PPP2R5A: variants seen among roughly 807,000 people sequenced by gnomAD.
PPP2R5A encodes the protein serine/threonine-protein phosphatase 2A 56 kDa regulatory subunit alpha isoform.
PPP2R5A carries 25 observed loss-of-function variants against 64.2 expected under a neutral mutation model. The ratio of observed to expected loss-of-function variants is 0.39; its 90% confidence interval spans 0.28 to 0.54. The LOEUF is 0.54. Among genes scored for constraint, PPP2R5A ranks in the 20% least tolerant of loss-of-function variants. The pLI is 0.67. For synonymous variants in PPP2R5A, 198 were observed against 201.2 expected (o/e 0.98, Z 0.13); for missense variants, 425 against 576.3 (o/e 0.74, Z 2.69).
At chr1:212,329,393 G>T in intron 2 of PPP2R5A, 62 bp downstream of exon 2, 1 of 1,277,994 alleles carries the variant, frequency 7.8e-7, no homozygotes, top group Non-Finnish European at 1.0e-6. Context: ...GTATAATAAT[G>T]AATTGAGACT....
chr1:212,302,280 C>G (rs939862358), intron 1 of PPP2R5A, among the ~76,000 whole-genome samples: 6 of 152,150 alleles, frequency 3.9e-5, no homozygotes, highest in African/African-American at 1.4e-4. Context: ...AAAACCAACC[C>G]TCTGTGGCCA....
rs767595938 is a variant in PPP2R5A, at chr1:212,356,620, T to C, written c.928-6T>C. ...AAATTCATGCTAAACTTTTTCTTTT[T>C]CGCAGGTGATCAGAGGACTGCTGAA... is the stretch of plus-strand genomic sequence containing the variant. On this transcript the variant is annotated splice_polypyrimidine_tract_variant and splice_region_variant and intron_variant, in intron 8 of 12. Coordinates refer to ENST00000261461, the MANE Select transcript of PPP2R5A (RefSeq NM_006243.4). 38 of 1,607,016 alleles carry C rather than the reference T, an allele frequency of 2.4e-5. No individual in the cohort carries two copies. The Admixed American group carries it at 6.4e-4, about 27-fold the overall frequency.
chr1:212,300,224 G>A (rs1299344047), intron 1 of PPP2R5A, among the ~76,000 whole-genome samples: 1 of 152,092 alleles, frequency 6.6e-6, no homozygotes, highest in African/African-American at 2.4e-5. Context: ...TTGATAATCT[G>A]TTTTTAATTT....
intron 4 of PPP2R5A, among the ~76,000 whole-genome samples, chr1:212,344,882 G>T (rs73082472): frequency 0.068 from 10,300 of 152,100 alleles, 1,141 homozygotes; most frequent in African/African-American, 0.23. Flanking sequence ...AAAATCTATG[G>T]GCTGGGCATA....
chr1:212,292,200 G>T (rs1340208028), intron 1 of PPP2R5A, among the ~76,000 whole-genome samples: 1 of 152,164 alleles, frequency 6.6e-6, no homozygotes. Context: ...AGGGCAGTGA[G>T]AACTCAGGGC....
At chr1:212,289,706 A>G (rs1658567549) in intron 1 of PPP2R5A, among the ~76,000 whole-genome samples, 2 of 152,190 alleles carry the variant, frequency 1.3e-5, no homozygotes, top group Admixed American at 1.3e-4. Context: ...AAAATAGGCA[A>G]AGAATGTTAG....
rs190960932 is a variant in PPP2R5A at position 212,308,400 on chromosome 1, T to C, written c.182-20735T>C. On this transcript the variant is annotated intron_variant, in intron 1 of 12. Transcript: ENST00000261461. ...TAGGTTTATGTTACTCAATACATTA[T>C]GTTGGTACACTTTTTTTTTTTTTTT... Among the ~76,000 whole-genome samples, 127 of 147,460 alleles carry C rather than the reference T, an allele frequency of 8.6e-4. 1 individual carries two copies. In the East Asian group the frequency reaches 0.02, roughly 23 times the overall value.
At chr1:212,324,896 C>T (rs557578763) in intron 1 of PPP2R5A, among the ~76,000 whole-genome samples, 4 of 152,070 alleles carry the variant, frequency 2.6e-5, no homozygotes, top group Non-Finnish European at 5.9e-5. Flanking sequence ...TGAGCCACCG[C>T]ACCTGGCATG....
At chr1:212,291,377 C>G (rs1379716414) in intron 1 of PPP2R5A, among the ~76,000 whole-genome samples, 3 of 152,116 alleles carry the variant, frequency 2.0e-5, no homozygotes, top group Admixed American at 2.0e-4. Context: ...CCACTGCACC[C>G]GGCCTATACC....
intron 2 of PPP2R5A, among the ~76,000 whole-genome samples, chr1:212,332,391 TAGTCTGTC>T (rs950699161): frequency 2.6e-5 from 4 of 152,186 alleles, no homozygotes. Context: ...TTAAACTACT[TAGTCTGTC>T]AGTCTGTTCA....
intron 8 of PPP2R5A, among the ~76,000 whole-genome samples, chr1:212,351,113 A>ACC (rs1558154567): frequency 6.2e-5 from 9 of 144,564 alleles, no homozygotes; most frequent in African/African-American, 2.3e-4. Flanking sequence ...AAAAAAAAAA[A>ACC]CAAAAAAACA....
At position 212,347,328 on chromosome 1, in the gene PPP2R5A, G is replaced by A. The variant is rs750855529; in HGVS notation, c.705-19G>A. On this transcript the variant is annotated intron_variant, in intron 5 of 12. Transcript: ENST00000261461. ...TGAAGTTTGATTTTGATTACATCTT[G>A]TCTTTATTTTAAATTCAGGTTTATA... is the stretch of plus-strand genomic sequence containing the variant. 2.2e-5 allele frequency: 34 copies of A among 1,516,034 alleles called. No homozygotes were observed. The highest frequency in any genetic ancestry group is 2.7e-6 in the Non-Finnish European group (3 of 1,100,044). 93.9% of individuals were successfully genotyped at this position (1,516,034 alleles called of 1,614,324 possible).
intron 11 of PPP2R5A, 145 bp from the exon 12 acceptor site, chr1:212,358,541 A>G: frequency 1.8e-6 from 1 of 557,216 alleles, no homozygotes; most frequent in Non-Finnish European, 3.2e-6. Context: ...TGAGCATATT[A>G]CAAACCTCTT....
intron 1 of PPP2R5A, among the ~76,000 whole-genome samples, chr1:212,319,870 G>C (rs1179154964): frequency 1.3e-5 from 2 of 150,634 alleles, no homozygotes; most frequent in South Asian, 2.1e-4. Flanking sequence ...TGATCCGCCC[G>C]TCTCAGCCTT....
At chr1:212,304,184 C>CATT (rs1157889984) in intron 1 of PPP2R5A, among the ~76,000 whole-genome samples, 2 of 152,166 alleles carry the variant, frequency 1.3e-5, no homozygotes, top group Non-Finnish European at 2.9e-5. Flanking sequence ...TTCTTTGACA[C>CATT]ATTAGTTGTT....
rs537083209 is a variant in PPP2R5A at position 212,300,597 on chromosome 1, A to T, written c.181+14306A>T. ...CTTCCCATATTTTCCCATGAGTGGGATCATACTGTGTATGTTGTTCAATAG... is the reference window on the plus strand; with the variant it reads ...CTTCCCATATTTTCCCATGAGTGGGTTCATACTGTGTATGTTGTTCAATAG... On this transcript the variant is annotated intron_variant, in intron 1 of 12. Transcript: ENST00000261461. Among the ~76,000 whole-genome samples the T allele has an allele frequency of 3.9e-5, 6 of 152,336 alleles. No individual in the cohort carries two copies. The South Asian group carries it at 1.2e-3, about 32-fold the overall frequency.
chr1:212,302,112 A>G (rs1182568897), intron 1 of PPP2R5A: 1 of 1,497,236 alleles, frequency 6.7e-7, no homozygotes. Context: ...TTAAGATTTC[A>G]GTGTTCTACT....
chr1:212,354,426 C>CATT (rs1217199498), intron 8 of PPP2R5A, among the ~76,000 whole-genome samples: 2 of 152,068 alleles, frequency 1.3e-5, no homozygotes, highest in Non-Finnish European at 2.9e-5. Context: ...TGTCTGTAAT[C>CATT]CCAGCACTTT....
At chr1:212,304,753 AAC>A (rs1194218457) in intron 1 of PPP2R5A, among the ~76,000 whole-genome samples, 1 of 128,098 alleles carries the variant, frequency 7.8e-6, no homozygotes, top group African/African-American at 2.9e-5. Context: ...TTTTTTTGAG[AAC>A]AGAGTCTCAC....
Sources: gnomAD v4.1 joint callset for allele counts (sites outside exome capture counted in the v4.1 genomes callset) on GRCh38, gnomAD v4.1.1 for gene constraint, MANE v1.5 for transcripts, NCBI Gene and HGNC (gene_info 2026-07-23, HGNC 2026-07-21) for gene names.